The following NRG1 variants were observed in gnomAD, a reference collection of about 807,000 sequenced individuals.
The protein encoded by NRG1 is neuregulin 1.
A neutral mutation model predicts 63.8 loss-of-function variants in NRG1; 18 were observed. The ratio of observed to expected loss-of-function variants is 0.28; its 90% CI spans 0.19 to 0.42. The LOEUF is 0.42. Ranked by LOEUF, NRG1 falls within the 10% of genes least tolerant of loss-of-function variation. NRG1 has a pLI of 1.00. For synonymous variants in NRG1, 302 were observed against 301.3 expected (o/e 1.00, Z -0.02); for missense variants, 762 against 814.7 (o/e 0.94, Z 0.79).
intron 1 of NRG1, among the ~76,000 whole-genome samples, chr8:32,513,844 T>C (rs1202526981): frequency 6.6e-6 from 1 of 152,276 alleles, no homozygotes; most frequent in Admixed American, 6.5e-5. Flanking sequence ...AGTATTGGTT[T>C]TGCAGTTTTA....
At chr8:32,032,697 GA>G (rs1282893683) in intron 1 of NRG1, among the ~76,000 whole-genome samples, 1 of 152,254 alleles carries the variant, frequency 6.6e-6, no homozygotes, top group African/African-American at 2.4e-5. Context: ...TGGATAGATT[GA>G]AAAAATTTTC....
At chr8:32,464,228 G>T (rs1822758562) in intron 1 of NRG1, among the ~76,000 whole-genome samples, 1 of 151,238 alleles carries the variant, frequency 6.6e-6, no homozygotes, top group Non-Finnish European at 1.5e-5. Context: ...ATAATGTCTG[G>T]TATTTTTTTA....
At chr8:32,447,526 T>TA (rs1343165873) in intron 1 of NRG1, among the ~76,000 whole-genome samples, 1 of 152,158 alleles carries the variant, frequency 6.6e-6, no homozygotes, top group Non-Finnish European at 1.5e-5. Context: ...AGACATGTTT[T>TA]ATTCTATTAT....
chr8:32,534,194 C>T (rs1204955992), intron 1 of NRG1, among the ~76,000 whole-genome samples: 1 of 152,064 alleles, frequency 6.6e-6, no homozygotes, highest in Non-Finnish European at 1.5e-5. Context: ...GGAAGAGGAT[C>T]TAAAACATTT....
intron 1 of NRG1, among the ~76,000 whole-genome samples, chr8:31,876,409 G>T (rs1829927874): frequency 6.6e-6 from 1 of 152,138 alleles, no homozygotes; most frequent in African/African-American, 2.4e-5. Context: ...ATTCATTTGA[G>T]TAACAAGCAA....
At chr8:32,249,620 T>C (rs578184716) in intron 1 of NRG1, among the ~76,000 whole-genome samples, 1 of 152,172 alleles carries the variant, frequency 6.6e-6, no homozygotes, top group East Asian at 1.9e-4. Flanking sequence ...AGAAATCAAG[T>C]GAGTACTAAA....
intron 1 of NRG1, among the ~76,000 whole-genome samples, chr8:31,820,653 A>G (rs1823915212): frequency 6.6e-6 from 1 of 152,244 alleles, no homozygotes; most frequent in African/African-American, 2.4e-5. Flanking sequence ...TGAACCCATG[A>G]ACTAGAATTA....
At chr8:32,491,139 T>A (rs559128931) in intron 1 of NRG1, among the ~76,000 whole-genome samples, 1 of 152,308 alleles carries the variant, frequency 6.6e-6, no homozygotes, top group Admixed American at 6.5e-5. Context: ...TCCTGGAAGA[T>A]GAGACGGACC....
intron 1 of NRG1, among the ~76,000 whole-genome samples, chr8:32,344,010 G>T (rs533383329): frequency 6.6e-6 from 1 of 152,156 alleles, no homozygotes; most frequent in Non-Finnish European, 1.5e-5. Context: ...CTCAAGCTCA[G>T]GTGTGACCTT....
At chr8:31,954,594 T>C (rs889806446) in intron 1 of NRG1, among the ~76,000 whole-genome samples, 12 of 152,198 alleles carry the variant, frequency 7.9e-5, no homozygotes, top group African/African-American at 2.7e-4. Flanking sequence ...TTTAATTAAA[T>C]TAGTTTTTAA....
At chr8:32,411,006 G>A (rs1193469318) in intron 1 of NRG1, among the ~76,000 whole-genome samples, 1 of 151,752 alleles carries the variant, frequency 6.6e-6, no homozygotes, top group Non-Finnish European at 1.5e-5. Context: ...CTCCCAAGCA[G>A]CTAGGACTAC....
In NRG1 at chr8:32,705,422, C is replaced by T. The variant is rs554064099; in HGVS notation, c.503-22527C>T. 1.1e-3 allele frequency among the ~76,000 whole-genome samples: 172 copies of T among 152,266 alleles called. 1 individual carries two copies. Among genetic ancestry groups the T allele is most frequent in the African/African-American group, 3.9e-3 (163 of 41,562 alleles). On this transcript the variant is annotated intron_variant, in intron 5 of 11. Coordinates refer to ENST00000356819, the Ensembl canonical transcript of NRG1. ...CTGAGATTACAGGCGTGAGCCACCG[C>T]GCCCGGCCAAGTGACAATGTATTTT... is the stretch of plus-strand genomic sequence containing the variant.
chr8:32,021,645 CAT>C (rs1816466179), intron 1 of NRG1, among the ~76,000 whole-genome samples: 2 of 152,128 alleles, frequency 1.3e-5, no homozygotes, highest in African/African-American at 2.4e-5. Context: ...TGTAACCAGA[CAT>C]GTGAACATAT....
chr8:31,888,928 A>G (rs1830932812), intron 1 of NRG1, among the ~76,000 whole-genome samples: 1 of 151,596 alleles, frequency 6.6e-6, no homozygotes, highest in Non-Finnish European at 1.5e-5. Flanking sequence ...GTATTTACAC[A>G]AAGGAGACTC....
intron 1 of NRG1, among the ~76,000 whole-genome samples, chr8:32,175,982 C>G (rs1207061440): frequency 6.6e-6 from 1 of 152,174 alleles, no homozygotes; most frequent in African/African-American, 2.4e-5. Flanking sequence ...GAAAAAACTA[C>G]TTTAAAGTTC....
At chr8:32,472,952 A>G (rs765551300) in intron 1 of NRG1, among the ~76,000 whole-genome samples, 2 of 152,162 alleles carry the variant, frequency 1.3e-5, no homozygotes, top group African/African-American at 2.4e-5. Context: ...TATTTTCGCT[A>G]TGTGTTTTGA....
chr8:31,643,874 T>A (rs577784790), intron 1 of NRG1, among the ~76,000 whole-genome samples: 62 of 152,360 alleles, frequency 4.1e-4, no homozygotes, highest in Non-Finnish European at 8.7e-4. Context: ...TTGAATAACA[T>A]CTACAATTGG....
chr8:31,745,105 A>C (rs1276840788), intron 1 of NRG1, among the ~76,000 whole-genome samples: 1 of 151,996 alleles, frequency 6.6e-6, no homozygotes, highest in Non-Finnish European at 1.5e-5. Flanking sequence ...GGAGAAAATG[A>C]GGAAGAAAAT....
chr8:31,955,403 T>C (rs1318972858), intron 1 of NRG1, among the ~76,000 whole-genome samples: 7 of 152,148 alleles, frequency 4.6e-5, no homozygotes, highest in Non-Finnish European at 1.0e-4. Flanking sequence ...GAAAAGTGAA[T>C]GTACAGTTTC....
Sources: allele counts gnomAD v4.1 joint callset (sites outside exome capture counted in the v4.1 genomes callset), GRCh38; gene constraint gnomAD v4.1.1; transcripts MANE v1.5; gene names NCBI Gene and HGNC (gene_info 2026-07-23, HGNC 2026-07-21).